BTBD7: variants seen among roughly 807,000 people sequenced by gnomAD.
BTBD7 encodes the protein BTB/POZ domain-containing protein 7.
Under a neutral mutation model 99.9 loss-of-function variants are expected in BTBD7, and 38 were observed. The ratio of observed to expected loss-of-function variants is 0.38; its 90% CI spans 0.29 to 0.50. The LOEUF (loss-of-function observed/expected upper bound fraction) is 0.50. Among genes scored for constraint, BTBD7 ranks in the 20% least tolerant of loss-of-function variants. The pLI is 0.93. For missense variants in BTBD7, 1,170 were observed against 1,394.6 expected (o/e 0.84, Z 2.57); for synonymous variants, 520 against 511.4 (o/e 1.02, Z -0.23).
chr14:93,324,179 C>T (rs2053301294), intron 1 of BTBD7, among the ~76,000 whole-genome samples: 1 of 152,144 alleles, frequency 6.6e-6, no homozygotes, highest in African/African-American at 2.4e-5. Context: ...TGGTTCACAC[C>T]TGTAATCCCA....
chr14:93,332,780 CCT>C, intron 1 of BTBD7, 38 bp downstream of exon 1: 1 of 1,462,456 alleles, frequency 6.8e-7, no homozygotes. Context: ...CCGGACACAG[CCT>C]CGGCTCCACA....
At chr14:93,272,134 T>C (rs923833974) in intron 3 of BTBD7, among the ~76,000 whole-genome samples, 8 of 152,072 alleles carry the variant, frequency 5.3e-5, no homozygotes, top group African/African-American at 1.4e-4. Context: ...CTGACCAACA[T>C]GGTGAAACCC....
intron 1 of BTBD7, among the ~76,000 whole-genome samples, chr14:93,331,174 T>G (rs1273325637): frequency 6.6e-6 from 1 of 152,218 alleles, no homozygotes; most frequent in East Asian, 1.9e-4. Context: ...CATTTTCGCT[T>G]TCAACTTTAT....
intron 1 of BTBD7, among the ~76,000 whole-genome samples, chr14:93,319,652 G>T (rs2053247706): frequency 6.6e-6 from 1 of 152,130 alleles, no homozygotes; most frequent in Admixed American, 6.5e-5. Context: ...CAGGGGCTGG[G>T]GGGAAATGCA....
chr14:93,296,495 G>C (rs1005535425), intron 1 of BTBD7, among the ~76,000 whole-genome samples: 2 of 152,138 alleles, frequency 1.3e-5, no homozygotes, highest in Non-Finnish European at 2.9e-5. Flanking sequence ...TAAATCCTTA[G>C]AGGCAATCAC....
At chr14:93,301,561 G>T (rs1470350174) in intron 1 of BTBD7, among the ~76,000 whole-genome samples, 1 of 151,870 alleles carries the variant, frequency 6.6e-6, no homozygotes, top group South Asian at 2.1e-4. Flanking sequence ...GTAGTGGTAC[G>T]TGCCTATGGT....
chr14:93,283,726 A>T (rs968734808), intron 3 of BTBD7, among the ~76,000 whole-genome samples: 7 of 152,010 alleles, frequency 4.6e-5, no homozygotes, highest in Non-Finnish European at 1.0e-4. Context: ...TGATTTTTGT[A>T]TTTTTAGTAG....
In BTBD7 at chr14:93,253,675, A is replaced by G. The variant is rs761660071; in HGVS notation, c.1724T>C (p.Leu575Pro). 3 of 1,610,996 alleles carry G rather than the reference A, an allele frequency of 1.9e-6. No individual in the cohort carries two copies. Among genetic ancestry groups the G allele is most frequent in the Non-Finnish European group, 2.5e-6 (3 of 1,177,710 alleles). The change falls in exon 7 of 11, where the codon CTC (leucine) becomes CCC (proline). Residue 575 changes from leucine (L) to proline (P), a missense_variant. This residue lies in a region of BTBD7 where 309 missense variants were observed against 342.0 expected (regional missense o/e 0.90). Transcript: ENST00000334746. Reference protein sequence around the residue: ...KNAGIYVRPRLFSPYVEEAKS... With the variant: ...KNAGIYVRPRPFSPYVEEAKS... ...TGCTTCTTCCACATAGGGAGAGAAG[A>G]GTCGAGGACGAACATAGATGCCAGC...
chr14:93,266,756 A>G (rs564981365), intron 3 of BTBD7, among the ~76,000 whole-genome samples: 1 of 152,248 alleles, frequency 6.6e-6, no homozygotes, highest in African/African-American at 2.4e-5. Context: ...AACCGTTTCT[A>G]TAAGATGGTA....
chr14:93,266,965 TGAG>T (rs1344704054), intron 3 of BTBD7, among the ~76,000 whole-genome samples: 6 of 152,198 alleles, frequency 3.9e-5, no homozygotes, highest in Admixed American at 2.6e-4. Context: ...AATACCAAGC[TGAG>T]GAGGACAGAC....
rs142997833 is a variant in BTBD7 at position 93,248,308 on chromosome 14, C to T, written c.2121+168G>A. ...GGCCTCTGCTCAGTCCACTCCATGA[C>T]GCTGCCTCTCACCAGGAGGGACTTG... On this transcript the variant is annotated intron_variant, in intron 9 of 10. Transcript: ENST00000334746. Among the ~76,000 whole-genome samples, 255 of 152,308 alleles carry T rather than the reference C, an allele frequency of 1.7e-3. 1 individual carries two copies. The highest frequency in any genetic ancestry group is 2.7e-3 in the Non-Finnish European group (182 of 68,032).
rs2052225447 is a variant in BTBD7 at position 93,241,311 on chromosome 14, A to G, written c.*962T>C. On this transcript the variant is annotated 3_prime_UTR_variant, in exon 11 of 11. Transcript: ENST00000334746. ...GGCACGCACCACCACGCCTGGCTAG[A>G]TTTTTTTTTTTTTGTATTTTTTATA... The G allele has an allele frequency of 1.4e-5, 2 of 146,224 alleles. No homozygotes were observed. The highest frequency in any genetic ancestry group is 3.0e-5 in the Non-Finnish European group (2 of 66,220). The allele number at this position is 146,224 out of a possible 1,614,324, so 9.1% of individuals were successfully genotyped here.
intron 10 of BTBD7, chr14:93,244,432 T>C: frequency 5.8e-6 from 1 of 171,436 alleles, no homozygotes; most frequent in Non-Finnish European, 1.2e-5. Flanking sequence ...GGGTGGATCA[T>C]GAGGGTAGGA....
chr14:93,245,856 G>A lies in BTBD7; in HGVS notation c.2552C>T (p.Ala851Val). 1 of 1,613,562 alleles carries A rather than the reference G, an allele frequency of 6.2e-7. No individual in the cohort carries two copies. The highest frequency in any genetic ancestry group is 8.5e-7 in the Non-Finnish European group (1 of 1,179,726). Residue 851 changes from alanine to valine, a missense_variant, in exon 10 of 11, where the codon GCA (alanine) becomes GTA (valine). Physicochemically the swap from Ala to Val is moderately conservative, Grantham distance 64 (BLOSUM62 0). This residue lies in a region of BTBD7 where 495 missense variants were observed against 525.9 expected (regional missense o/e 0.94). Coordinates refer to ENST00000334746, the MANE Select transcript of BTBD7 (RefSeq NM_001002860.4). ...CTTCTCAGATGCTGCTGCTGCTGCT[G>A]CTGTTGCTGTTGAGGTGGTGGTGGC... ...AAATTTSTAT[A>V]AAAAASEKQV... is the part of the protein sequence containing the mutation.
chr14:93,238,792 C>T lies in BTBD7; in HGVS notation c.*3481G>A, dbSNP rs1373361252. ...CCGCTGGCGCGTGTTTCCAATTTGCCTTCTGCATCGGCACCTTAATGCAGA... is the reference window on the plus strand; with the variant it reads ...CCGCTGGCGCGTGTTTCCAATTTGCTTTCTGCATCGGCACCTTAATGCAGA... On this transcript the variant is annotated 3_prime_UTR_variant, in exon 11 of 11. Transcript: ENST00000334746. 1 of 152,208 alleles carries T rather than the reference C, an allele frequency of 6.6e-6. No homozygotes were observed. The highest frequency in any genetic ancestry group is 1.5e-5 in the Non-Finnish European group (1 of 68,048). The allele number at this position is 152,208 out of a possible 1,614,324, so 9.4% of individuals were successfully genotyped here.
At chr14:93,290,292 AAGCTTCGCCTC>A (rs1376932477) in intron 3 of BTBD7, among the ~76,000 whole-genome samples, 1 of 150,848 alleles carries the variant, frequency 6.6e-6, no homozygotes, top group Non-Finnish European at 1.5e-5. Flanking sequence ...AGCTCACTGC[AAGCTTCGCCTC>A]CTGGGTTCAC....
At chr14:93,293,174 C>T (rs1206773635) in intron 3 of BTBD7, among the ~76,000 whole-genome samples, 2 of 152,078 alleles carry the variant, frequency 1.3e-5, no homozygotes, top group Non-Finnish European at 2.9e-5. Context: ...TAACATTTAC[C>T]AACAGATGTA....
chr14:93,325,106 A>ATTTT (rs34523849), intron 1 of BTBD7, among the ~76,000 whole-genome samples: 8,071 of 105,416 alleles, frequency 0.077, 516 homozygotes, highest in African/African-American at 0.11. Flanking sequence ...GCATGCTCCA[A>ATTTT]TTTTTTTTTT....
chr14:93,328,197 C>A (rs1205485969), intron 1 of BTBD7, among the ~76,000 whole-genome samples: 1 of 152,092 alleles, frequency 6.6e-6, no homozygotes, highest in Non-Finnish European at 1.5e-5. Flanking sequence ...CCAAAGCAAC[C>A]TAGAGATTCA....
Sources: allele counts gnomAD v4.1 joint callset (sites outside exome capture counted in the v4.1 genomes callset), GRCh38; gene constraint gnomAD v4.1.1; regional missense constraint gnomAD v4.1.1; transcripts MANE v1.5; gene names NCBI Gene and HGNC (gene_info 2026-07-23, HGNC 2026-07-21).